TAF3: variants seen among roughly 807,000 people sequenced by gnomAD.
TAF3 encodes transcription initiation factor TFIID subunit 3.
In TAF3, 7 loss-of-function variants were observed where a neutral mutation model predicts 80.6. The observed-to-expected ratio is 0.09, with a 90% CI of 0.05 to 0.16. The LOEUF (loss-of-function observed/expected upper bound fraction) is 0.16, where lower values mean the gene tolerates loss of function less well. Among genes scored for constraint, TAF3 ranks in the 10% least tolerant of loss-of-function variants. The probability of loss-of-function intolerance (pLI) is 1.00; values close to 1 mark genes in which losing one functional copy is unlikely to be tolerated. For missense variants in TAF3, 921 were observed against 1,140.2 expected (o/e 0.81, Z 2.77); for synonymous variants, 444 against 446.1 (o/e 1.00, Z 0.06).
At chr10:7,970,406 A>G (rs956474312) in intron 3 of TAF3, among the ~76,000 whole-genome samples, 22 of 152,228 alleles carry the variant, frequency 1.4e-4, no homozygotes, top group African/African-American at 5.1e-4. Flanking sequence ...ACAGTTGAGA[A>G]AACTGCACAG....
intron 2 of TAF3, among the ~76,000 whole-genome samples, chr10:7,849,502 G>A (rs1188085507): frequency 6.6e-6 from 1 of 152,122 alleles, no homozygotes; most frequent in Non-Finnish European, 1.5e-5. Context: ...AGCATTGTAT[G>A]TAGGCTAAAT....
At chr10:7,917,224 G>A (rs575739415) in intron 2 of TAF3, among the ~76,000 whole-genome samples, 5 of 152,344 alleles carry the variant, frequency 3.3e-5, no homozygotes, top group Admixed American at 6.5e-5. Context: ...GTGAGAAGAA[G>A]CAAGGAGGGA....
chr10:7,883,810 TA>T (rs964676494), intron 2 of TAF3, among the ~76,000 whole-genome samples: 1 of 152,248 alleles, frequency 6.6e-6, no homozygotes, highest in African/African-American at 2.4e-5. Flanking sequence ...AATACCTGGG[TA>T]ATTTATAAAG....
chr10:7,972,843 T>G (rs974569957), intron 3 of TAF3, among the ~76,000 whole-genome samples: 1 of 152,220 alleles, frequency 6.6e-6, no homozygotes, highest in African/African-American at 2.4e-5. Context: ...CCATATAAAC[T>G]AGTTAGCCTC....
intron 2 of TAF3, among the ~76,000 whole-genome samples, chr10:7,893,103 A>G (rs1004514625): frequency 1.3e-5 from 2 of 152,120 alleles, no homozygotes; most frequent in Non-Finnish European, 1.5e-5. Context: ...TATAGGCGTG[A>G]GCCACCGTGC....
intron 2 of TAF3, among the ~76,000 whole-genome samples, chr10:7,877,309 G>A (rs1356671869): frequency 1.3e-5 from 2 of 151,968 alleles, no homozygotes; most frequent in Admixed American, 6.5e-5. Context: ...CAAGAATGGT[G>A]GTATGGAAAT....
chr10:7,862,092 A>G (rs1232697537), intron 2 of TAF3, among the ~76,000 whole-genome samples: 1 of 152,118 alleles, frequency 6.6e-6, no homozygotes, highest in Non-Finnish European at 1.5e-5. Flanking sequence ...TTCAGATATA[A>G]TATTTTTCAG....
chr10:7,991,216 TCC>T (rs1317211429), intron 4 of TAF3, among the ~76,000 whole-genome samples: 4 of 152,040 alleles, frequency 2.6e-5, no homozygotes, highest in Non-Finnish European at 5.9e-5. Flanking sequence ...TACATACACA[TCC>T]GTATGCATGT....
At chr10:7,974,497 C>G in intron 3 of TAF3, among the ~76,000 whole-genome samples, 1 of 152,198 alleles carries the variant, frequency 6.6e-6, no homozygotes, top group South Asian at 2.1e-4. Flanking sequence ...AACTTACTTT[C>G]GAAACTGTGG....
chr10:8,003,598 C>T (rs1360103403), intron 4 of TAF3, among the ~76,000 whole-genome samples: 2 of 152,218 alleles, frequency 1.3e-5, no homozygotes, highest in African/African-American at 4.8e-5. Context: ...TTTCAGATTA[C>T]ACATTGCAAC....
At chr10:7,969,849 C>T (rs1030753852) in intron 3 of TAF3, among the ~76,000 whole-genome samples, 7 of 152,184 alleles carry the variant, frequency 4.6e-5, no homozygotes, top group Non-Finnish European at 1.0e-4. Flanking sequence ...CCAGCTCTGC[C>T]ACTTACTCGT....
At chr10:7,875,788 A>T (rs895959564) in intron 2 of TAF3, among the ~76,000 whole-genome samples, 21 of 152,284 alleles carry the variant, frequency 1.4e-4, no homozygotes, top group Admixed American at 4.6e-4. Flanking sequence ...CTAGCAGAAA[A>T]ATAAATTGCA....
intron 3 of TAF3, among the ~76,000 whole-genome samples, chr10:7,971,082 G>T (rs139363345): frequency 6.6e-6 from 1 of 152,152 alleles, no homozygotes; most frequent in Non-Finnish European, 1.5e-5. Flanking sequence ...CCCAAGGCCA[G>T]CTCCCAGCCT....
chr10:7,842,539 A>T (rs960006700), intron 2 of TAF3, among the ~76,000 whole-genome samples: 5 of 152,132 alleles, frequency 3.3e-5, no homozygotes, highest in Admixed American at 6.5e-5. Flanking sequence ...TAAAAGATTA[A>T]ACAATAACCT....
intron 2 of TAF3, among the ~76,000 whole-genome samples, chr10:7,925,738 G>T (rs1261230281): frequency 5.4e-5 from 8 of 148,638 alleles, no homozygotes; most frequent in African/African-American, 2.0e-4. Flanking sequence ...GGCAGAGGTT[G>T]CAGTGAGCCG....
chr10:7,844,884 T>G (rs950134179), intron 2 of TAF3, among the ~76,000 whole-genome samples: 1 of 152,226 alleles, frequency 6.6e-6, no homozygotes, highest in Admixed American at 6.5e-5. Context: ...CATTAGTTAC[T>G]TAGCCAATCG....
At chr10:7,858,799 A>G (rs908550032) in intron 2 of TAF3, among the ~76,000 whole-genome samples, 27 of 140,566 alleles carry the variant, frequency 1.9e-4, no homozygotes, top group African/African-American at 6.1e-4. Flanking sequence ...CTGGTACATT[A>G]TAGGCTCTGT....
chr10:7,925,853 A>AT (rs1451830120), intron 2 of TAF3, among the ~76,000 whole-genome samples: 3 of 151,768 alleles, frequency 2.0e-5, no homozygotes, highest in Non-Finnish European at 2.9e-5. Flanking sequence ...GAAAAGTAAG[A>AT]TTTTTTTACA....
chr10:7,936,183 C>T (rs919387091), intron 2 of TAF3, among the ~76,000 whole-genome samples: 2 of 152,174 alleles, frequency 1.3e-5, no homozygotes, highest in African/African-American at 2.4e-5. Context: ...GCTGTGTGCG[C>T]GTTGCTTTCA....
Sources: gnomAD v4.1 joint callset for allele counts (sites outside exome capture counted in the v4.1 genomes callset) on GRCh38, gnomAD v4.1.1 for gene constraint, MANE v1.5 for transcripts, NCBI Gene and HGNC (gene_info 2026-07-23, HGNC 2026-07-21) for gene names.